The following WASL variants were observed in gnomAD, a reference collection of about 807,000 sequenced individuals.
The protein encoded by WASL is WASP like actin nucleation promoting factor, also known as actin nucleation-promoting factor WASL.
Under a neutral mutation model 55.5 loss-of-function variants are expected in WASL, and 20 were observed. The ratio of observed to expected loss-of-function variants is 0.36; its 90% CI spans 0.25 to 0.52. The LOEUF is 0.52. Among genes scored for constraint, WASL ranks in the 20% least tolerant of loss-of-function variants. The probability of loss-of-function intolerance (pLI) is 0.92; values close to 1 mark genes in which losing one functional copy is unlikely to be tolerated. For synonymous variants in WASL, 249 were observed against 217.6 expected (o/e 1.14, Z -1.27); for missense variants, 504 against 622.5 (o/e 0.81, Z 2.03).
intron 9 of WASL, among the ~76,000 whole-genome samples, chr7:123,691,607 C>T (rs1043895544): frequency 6.6e-6 from 1 of 152,164 alleles, no homozygotes; most frequent in African/African-American, 2.4e-5. Context: ...AGAGGCCATA[C>T]TGCCTATATA....
At chr7:123,746,881 G>T (rs538895929) in intron 1 of WASL, among the ~76,000 whole-genome samples, 2 of 152,174 alleles carry the variant, frequency 1.3e-5, no homozygotes, top group African/African-American at 4.8e-5. Context: ...CTGGTATGTA[G>T]AACACAGCAC....
intron 10 of WASL, among the ~76,000 whole-genome samples, chr7:123,687,803 C>T (rs1270537929): frequency 1.3e-5 from 2 of 151,374 alleles, no homozygotes; most frequent in African/African-American, 4.9e-5. Context: ...AAATATTTAT[C>T]TCTATCTCTG....
rs773628569 is a variant in WASL, at chr7:123,692,819, G to A, written c.875C>T (p.Pro292Leu). 5.0e-6 allele frequency: 7 copies of A among 1,398,866 alleles called. No individual in the cohort carries two copies. The highest frequency in any genetic ancestry group is 4.7e-6 in the Non-Finnish European group (5 of 1,072,520). The allele number at this position is 1,398,866 out of a possible 1,614,324, so 86.7% of individuals were successfully genotyped here. Reference protein sequence around the residue: ...PSRGGPPPPPPPPHNSGPPPP... With the variant: ...PSRGGPPPPPLPPHNSGPPPP... ...AGGAGGACCTGAGTTGTGTGGAGGGGGAGGAGGAGGAGGTGGCCCTCCCCT... is the reference window on the plus strand; with the variant it reads ...AGGAGGACCTGAGTTGTGTGGAGGGAGAGGAGGAGGAGGTGGCCCTCCCCT... Residue 292 changes from proline (P) to leucine (L), a missense_variant, in exon 9 of 11, where the codon CCC (proline) becomes CTC (leucine). By Grantham distance (98) the Pro-to-Leu change is moderately conservative. Transcript: ENST00000223023.
At chr7:123,690,351 G>C (rs187944691) in intron 9 of WASL, among the ~76,000 whole-genome samples, 1 of 152,146 alleles carries the variant, frequency 6.6e-6, no homozygotes, top group Non-Finnish European at 1.5e-5. Context: ...TTTAAAGTAA[G>C]TCTATGGTTT....
intron 1 of WASL, among the ~76,000 whole-genome samples, chr7:123,746,686 C>T (rs972319306): frequency 6.6e-6 from 1 of 152,172 alleles, no homozygotes; most frequent in African/African-American, 2.4e-5. Context: ...AGAAATTAAG[C>T]ACTGAATACT....
At chr7:123,696,470 T>G (rs1803494130) in intron 6 of WASL, 109 bp downstream of exon 6, 3 of 1,077,844 alleles carry the variant, frequency 2.8e-6, no homozygotes, top group South Asian at 3.3e-5. Context: ...AAGTGATGAA[T>G]GTACACACCC....
At position 123,695,758 on chromosome 7, in the gene WASL, A is replaced by C; in HGVS notation, c.672+65T>G. 2.6e-6 allele frequency: 4 copies of C among 1,532,404 alleles called. No homozygotes were observed. In the South Asian group the frequency reaches 3.6e-5, roughly 14 times the overall value. 94.9% of individuals were successfully genotyped at this position (1,532,404 alleles called of 1,614,324 possible). ...AAACCACAAAAATGAATTTAAAAAA[A>C]TCTAAAATAGGCCAACACATTTCCA... On this transcript the variant is annotated intron_variant, in intron 7 of 10. Coordinates refer to ENST00000223023, the MANE Select transcript of WASL (RefSeq NM_003941.4).
intron 5 of WASL, among the ~76,000 whole-genome samples, chr7:123,703,473 G>A (rs986996153): frequency 2.0e-5 from 3 of 152,066 alleles, no homozygotes; most frequent in Admixed American, 2.0e-4. Flanking sequence ...ACTATGCTAA[G>A]CTTTGATTAC....
chr7:123,714,593 T>C (rs556480947), intron 1 of WASL, among the ~76,000 whole-genome samples: 1 of 152,212 alleles, frequency 6.6e-6, no homozygotes, highest in Non-Finnish European at 1.5e-5. Flanking sequence ...TTTAAGAAAA[T>C]TTCTCTGCCA....
intron 1 of WASL, among the ~76,000 whole-genome samples, chr7:123,735,523 T>C (rs1365089901): frequency 6.6e-6 from 1 of 152,052 alleles, no homozygotes; most frequent in Non-Finnish European, 1.5e-5. Context: ...GACAGGACAT[T>C]AGAACAATTG....
At chr7:123,704,490 ATTAC>A (rs1407378993) in intron 5 of WASL, 140 bp downstream of exon 5, 4 of 572,898 alleles carry the variant, frequency 7.0e-6, no homozygotes, top group Admixed American at 3.8e-5. Context: ...GATACTAAAC[ATTAC>A]TTACTAATGT....
chr7:123,695,685 T>G, intron 7 of WASL, 138 bp downstream of exon 7: 2 of 732,454 alleles, frequency 2.7e-6, no homozygotes, highest in Non-Finnish European at 4.4e-6. Flanking sequence ...GTTTTAAACC[T>G]CAGTTGTATA....
intron 1 of WASL, among the ~76,000 whole-genome samples, chr7:123,741,677 A>G (rs1471869432): frequency 3.3e-5 from 5 of 152,224 alleles, no homozygotes; most frequent in African/African-American, 1.2e-4. Flanking sequence ...AATCTATAGA[A>G]TATGGACAAA....
At chr7:123,747,002 A>G (rs961747391) in intron 1 of WASL, among the ~76,000 whole-genome samples, 2 of 152,214 alleles carry the variant, frequency 1.3e-5, no homozygotes, top group Non-Finnish European at 2.9e-5. Context: ...TCCTAAACTG[A>G]GCATATGCAA....
intron 1 of WASL, among the ~76,000 whole-genome samples, chr7:123,726,434 A>C (rs1344428199): frequency 6.6e-6 from 1 of 152,252 alleles, no homozygotes; most frequent in African/African-American, 2.4e-5. Context: ...GAAGCAGCAG[A>C]AGACTGTGAC....
intron 1 of WASL, among the ~76,000 whole-genome samples, chr7:123,714,856 TG>T (rs1338546612): frequency 6.6e-6 from 1 of 152,030 alleles, no homozygotes; most frequent in African/African-American, 2.4e-5. Context: ...ACATCTTACC[TG>T]AAGAATGAAA....
intron 10 of WASL, among the ~76,000 whole-genome samples, chr7:123,685,643 C>T (rs1336922674): frequency 1.3e-5 from 2 of 151,692 alleles, no homozygotes; most frequent in African/African-American, 2.4e-5. Flanking sequence ...CATGACAGCA[C>T]GGACCTTGCC....
intron 10 of WASL, among the ~76,000 whole-genome samples, chr7:123,688,417 A>G (rs1414943476): frequency 1.3e-5 from 2 of 151,898 alleles, no homozygotes. Flanking sequence ...TCGGAGTGCA[A>G]TGGTGCGATC....
chr7:123,711,518 A>G (rs1803757435), intron 1 of WASL, among the ~76,000 whole-genome samples: 1 of 152,168 alleles, frequency 6.6e-6, no homozygotes, highest in African/African-American at 2.4e-5. Context: ...ATTAATTCTT[A>G]CCTTCATCTG....
Sources: gnomAD v4.1 joint callset for allele counts (sites outside exome capture counted in the v4.1 genomes callset) on GRCh38, gnomAD v4.1.1 for gene constraint, MANE v1.5 for transcripts, NCBI Gene and HGNC (gene_info 2026-07-23, HGNC 2026-07-21) for gene names.